DENND3: variants seen among roughly 807,000 people sequenced by gnomAD.
The protein encoded by DENND3 is DENN domain containing 3.
DENND3 carries 88 observed loss-of-function variants against 135.1 expected under a neutral mutation model. That is an observed-to-expected ratio of 0.65 (90% CI 0.55 to 0.78). The LOEUF is 0.78. Ranked by LOEUF, DENND3 falls within the 30% of genes least tolerant of loss-of-function variation. The pLI, the probability that DENND3 is intolerant of heterozygous loss-of-function variation, is 0.00. For missense variants in DENND3, 1,392 were observed against 1,688.4 expected (o/e 0.82, Z 3.08); for synonymous variants, 693 against 712.3 (o/e 0.97, Z 0.43).
rs1778845965 is a variant in DENND3, at chr8:141,168,669, C to T, written c.2275+144C>T. 2 of 1,044,600 alleles carry T rather than the reference C, an allele frequency of 1.9e-6. No homozygotes were observed. The highest frequency in any genetic ancestry group is 3.2e-5 in the African/African-American group (2 of 61,962). The allele number at this position is 1,044,600 out of a possible 1,614,324, so 64.7% of individuals were successfully genotyped here. A position where few individuals can be genotyped will look rare whatever the true frequency, so the allele number is the denominator to read the frequency against. On this transcript the variant is annotated intron_variant, in intron 13 of 22. Transcript: ENST00000519811. The surrounding 1 kb of genome is among the most constrained non-coding windows in gnomAD (Gnocchi z 6.2). ...CAAGCAGTCCTCCCACCTCAGCCTC[C>T]CGAGTAGCTGGGACTAGACTACAGG... is the stretch of plus-strand genomic sequence containing the variant.
chr8:141,164,894 C>G (rs1820577706), intron 10 of DENND3, among the ~76,000 whole-genome samples: 1 of 152,214 alleles, frequency 6.6e-6, no homozygotes, highest in Non-Finnish European at 1.5e-5. Context: ...TATGTCTGAG[C>G]CTTGTCTACT....
At chr8:141,149,945 C>T (rs745953988) in intron 5 of DENND3, among the ~76,000 whole-genome samples, 5 of 152,190 alleles carry the variant, frequency 3.3e-5, no homozygotes, top group Non-Finnish European at 7.3e-5. Context: ...GAAAGCAGGG[C>T]CACGGGAGAC....
At chr8:141,192,974 T>G in intron 22 of DENND3, 1 of 1,168,846 alleles carries the variant, frequency 8.6e-7, no homozygotes, top group African/African-American at 1.6e-5. Context: ...GCAGAGCCGC[T>G]TCCCTCGGGG....
chr8:141,145,826 TATATA>T (rs1817989409), intron 5 of DENND3, among the ~76,000 whole-genome samples: 2 of 60,186 alleles, frequency 3.3e-5, no homozygotes, highest in African/African-American at 1.3e-4. Context: ...TATATATATA[TATATA>T]TATATATATA....
At chr8:141,164,548 A>T (rs1436361122) in intron 10 of DENND3, among the ~76,000 whole-genome samples, 1 of 152,080 alleles carries the variant, frequency 6.6e-6, no homozygotes, top group Non-Finnish European at 1.5e-5. Context: ...GGCTGTTGGG[A>T]GCGTGACTGG....
At position 141,137,585 on chromosome 8, in the gene DENND3, C is replaced by G. The variant is rs771119926; in HGVS notation, c.386-437C>G. 2.6e-5 allele frequency among the ~76,000 whole-genome samples: 4 copies of G among 152,202 alleles called. No individual in the cohort carries two copies. In the South Asian group the frequency reaches 8.3e-4, roughly 32 times the overall value. On this transcript the variant is annotated intron_variant, in intron 2 of 22. Coordinates refer to ENST00000519811, the MANE Select transcript of DENND3 (RefSeq NM_001352890.3). This position sits in a 1 kb window ranked among gnomAD's most constrained non-coding sequence, Gnocchi z 4.1. ...CAGGCCTGCACTTAGTCCCCAGGCT[C>G]GCCAGTTCCAGTTAACAGGTGAGCT...
At position 141,185,192 on chromosome 8, in the gene DENND3, G is replaced by A. The variant is rs755665670; in HGVS notation, c.2998G>A (p.Ala1000Thr). The change falls in exon 18 of 23, where the codon GCT becomes ACT. Residue 1000 changes from alanine (A) to threonine (T), a missense_variant. By Grantham distance (58) the Ala-to-Thr change is moderately conservative. Coordinates refer to ENST00000519811, the MANE Select transcript of DENND3 (RefSeq NM_001352890.3). The stretch of plus-strand genomic sequence containing the variant: ...AGATGCTCACCCCAAGTTATGGTGT[G>A]CTCTGAGCGAAGGCAAGGTGACCGT... ...VEDAHPKLWCALSEGKVTVFN... is the reference protein window; with the variant it reads ...VEDAHPKLWCTLSEGKVTVFN... 1.9e-6 allele frequency: 3 copies of A among 1,614,252 alleles called. No homozygotes were observed. The highest frequency in any genetic ancestry group is 1.1e-5 in the South Asian group (1 of 91,088).
rs371746143 is a variant in DENND3, at chr8:141,138,080, C to T, written c.444C>T (p.Thr148=). The part of the protein sequence containing the change: ...KEDCVHFLVL[T]DVCGNRTYGV... ...ATTGCGTCCACTTCCTGGTGCTGAC[C>T]GATGTCTGCGGGAATAGGACCTATG... is the stretch of plus-strand genomic sequence containing the variant. The change falls in exon 3 of 23, where the codon ACC becomes ACT. Residue 148 remains threonine (T), a synonymous_variant. Coordinates refer to ENST00000519811, the MANE Select transcript of DENND3 (RefSeq NM_001352890.3). The surrounding 1 kb of genome is among the most constrained non-coding windows in gnomAD (Gnocchi z 4.8). 2.2e-5 allele frequency: 35 copies of T among 1,610,246 alleles called. No homozygotes were observed. Among genetic ancestry groups the T allele is most frequent in the African/African-American group, 4.0e-5 (3 of 74,872 alleles).
intron 22 of DENND3, chr8:141,193,807 C>G (rs1016290156): frequency 5.1e-6 from 3 of 590,660 alleles, no homozygotes; most frequent in South Asian, 2.1e-5. Context: ...TTTTCCAGCA[C>G]GCAGTGCAGT....
chr8:141,192,311 C>T lies in DENND3; in HGVS notation c.3380-20C>T, dbSNP rs753565158. ...GCCAATGACACTGCCTGGCCCCATC[C>T]TAGCTCCTTCCTTCCACAGGCACAG... On this transcript the variant is annotated intron_variant, in intron 20 of 22. Transcript: ENST00000519811. 2 of 1,613,290 alleles carry T rather than the reference C, an allele frequency of 1.2e-6. No individual in the cohort carries two copies. The highest frequency in any genetic ancestry group is 1.7e-6 in the Non-Finnish European group (2 of 1,179,792).
rs1192352900 is a variant in DENND3 at position 141,142,390 on chromosome 8, G to C, written c.623+1066G>C. 3 of 457,054 alleles carry C rather than the reference G, an allele frequency of 6.6e-6. No homozygotes were observed. In the Admixed American group the frequency reaches 7.0e-5, roughly 11 times the overall value. The allele number at this position is 457,054 out of a possible 1,614,324, so 28.3% of individuals were successfully genotyped here. On this transcript the variant is annotated intron_variant, in intron 4 of 22. Transcript: ENST00000519811. Reference sequence around the variant, plus strand: ...AAATCGCTGAATTGGTGCTGTTCTTGCTTCTTGCAAAGCACAGTCATTTGA... The same window carrying C: ...AAATCGCTGAATTGGTGCTGTTCTTCCTTCTTGCAAAGCACAGTCATTTGA...
chr8:141,152,726 T>C (rs576069587), intron 7 of DENND3, among the ~76,000 whole-genome samples: 10 of 152,342 alleles, frequency 6.6e-5, no homozygotes, highest in African/African-American at 2.2e-4. Flanking sequence ...CAAGTTTTTG[T>C]GTGGATATGT....
intron 1 of DENND3, among the ~76,000 whole-genome samples, chr8:141,132,215 T>TA (rs1816206013): frequency 6.6e-6 from 1 of 152,098 alleles, no homozygotes; most frequent in Admixed American, 6.5e-5. Context: ...GAAACAAAAT[T>TA]ATACGTTTAT....
chr8:141,160,578 C>T (rs568761938), intron 8 of DENND3, 54 bp from the exon 9 acceptor site: 82 of 1,493,036 alleles, frequency 5.5e-5, no homozygotes, highest in South Asian at 2.5e-4. Context: ...TGCTGGTGAG[C>T]GGCCGTGGCC....
chr8:141,160,247 C>G (rs1325720240), intron 8 of DENND3, among the ~76,000 whole-genome samples: 1 of 150,706 alleles, frequency 6.6e-6, no homozygotes, highest in African/African-American at 2.4e-5. Context: ...GGCACTATCT[C>G]GGCTCACTAC....
In DENND3 at chr8:141,154,942, T is replaced by C. The variant is rs905363752; in HGVS notation, c.1075-907T>C. Among the ~76,000 whole-genome samples, 1 of 152,206 alleles carries C rather than the reference T, an allele frequency of 6.6e-6. No individual in the cohort carries two copies. Among genetic ancestry groups the C allele is most frequent in the African/African-American group, 2.4e-5 (1 of 41,456 alleles). On this transcript the variant is annotated intron_variant, in intron 7 of 22. Transcript: ENST00000519811. This position sits in a 1 kb window ranked among gnomAD's most constrained non-coding sequence, Gnocchi z 4.4. ...TTTCCAAATAATGGACTATTCAGGC[T>C]GAAGAAGCAAGGATGTTCTGACACA... is the stretch of plus-strand genomic sequence containing the variant.
At chr8:141,160,195 T>TTG (rs1569555954) in intron 8 of DENND3, among the ~76,000 whole-genome samples, 2 of 103,916 alleles carry the variant, frequency 1.9e-5, no homozygotes, top group Non-Finnish European at 4.4e-5. Flanking sequence ...TTTTTTTTTT[T>TTG]AAGACAGAGT....
chr8:141,185,009 G>A (rs1334818439), intron 17 of DENND3, 130 bp from the exon 18 acceptor site: 2 of 1,224,454 alleles, frequency 1.6e-6, no homozygotes, highest in African/African-American at 3.0e-5. Flanking sequence ...GCACGTCTTT[G>A]TACGTACAGC....
At position 141,194,087 on chromosome 8, in the gene DENND3, G is replaced by A. The variant is rs531331858; in HGVS notation, c.3691G>A (p.Val1231Met). Reference protein sequence around the residue: ...GQGTPKGKIYVIDAERKTVEK... With the variant: ...GQGTPKGKIYMIDAERKTVEK... ...GGGAACACCCAAGGGGAAAATCTAC[G>A]TGATTGACGCCGAGAGGAAGACCGT... Residue 1231 changes from valine to methionine, a missense_variant, in exon 23 of 23, where the codon GTG becomes ATG. By Grantham distance (21) the Val-to-Met change is conservative. Transcript: ENST00000519811. 33 of 1,614,008 alleles carry A rather than the reference G, an allele frequency of 2.0e-5. No individual in the cohort carries two copies. The highest frequency in any genetic ancestry group is 6.7e-5 in the Admixed American group (4 of 60,030).
Sources: gnomAD v4.1 joint callset for allele counts (sites outside exome capture counted in the v4.1 genomes callset) on GRCh38, gnomAD v4.1.1 for gene constraint, Gnocchi (gnomAD v3.1) non-coding constraint, MANE v1.5 for transcripts, NCBI Gene and HGNC (gene_info 2026-07-23, HGNC 2026-07-21) for gene names.